PCSK5: variants seen among roughly 807,000 people sequenced by gnomAD.
PCSK5 encodes prohormone convertase 5.
PCSK5 carries 129 observed loss-of-function variants against 233.2 expected under a neutral mutation model. The observed-to-expected ratio is 0.55, with a 90% CI of 0.48 to 0.64. The LOEUF is 0.64. PCSK5 is among the 30% of genes least tolerant of loss of function. The pLI is 0.00. For synonymous variants in PCSK5, 825 were observed against 879.2 expected (o/e 0.94, Z 1.09); for missense variants, 2,076 against 2,430.1 (o/e 0.85, Z 3.06).
chr9:76,281,133 A>G (rs1406446843), intron 24 of PCSK5, among the ~76,000 whole-genome samples: 1 of 152,256 alleles, frequency 6.6e-6, no homozygotes, highest in African/African-American at 2.4e-5. Context: ...CAGAAGCTGC[A>G]GCAAATGGTT....
chr9:76,042,138 T>TC (rs143486995), intron 5 of PCSK5, among the ~76,000 whole-genome samples: 84 of 152,334 alleles, frequency 5.5e-4, no homozygotes, highest in Middle Eastern at 3.4e-3. Context: ...TGTGGCAAGA[T>TC]CATTGCCCCC....
intron 14 of PCSK5, among the ~76,000 whole-genome samples, chr9:76,179,358 C>T (rs1310032780): frequency 2.0e-5 from 3 of 152,020 alleles, no homozygotes; most frequent in Non-Finnish European, 4.4e-5. Flanking sequence ...GAAGACCAGG[C>T]CATGACTAGA....
At chr9:75,906,401 A>G (rs1826266548) in intron 1 of PCSK5, among the ~76,000 whole-genome samples, 1 of 151,932 alleles carries the variant, frequency 6.6e-6, no homozygotes, top group Non-Finnish European at 1.5e-5. Context: ...AATTTTTTGT[A>G]TTTTTAGTAG....
intron 35 of PCSK5, among the ~76,000 whole-genome samples, chr9:76,345,008 A>G (rs1829937424): frequency 6.6e-6 from 1 of 152,120 alleles, no homozygotes; most frequent in Non-Finnish European, 1.5e-5. Context: ...AATTGGGGGT[A>G]TATGTGCAGG....
chr9:76,094,703 A>C (rs1831434307), intron 7 of PCSK5, among the ~76,000 whole-genome samples: 1 of 151,788 alleles, frequency 6.6e-6, no homozygotes, highest in African/African-American at 2.4e-5. Context: ...TCCACCTCTC[A>C]GGTTCAAGCG....
intron 1 of PCSK5, among the ~76,000 whole-genome samples, chr9:75,910,549 A>G (rs888957002): frequency 6.6e-5 from 10 of 150,482 alleles, no homozygotes; most frequent in African/African-American, 2.4e-4. Context: ...CCTGTTAATC[A>G]CTGGTAAGCT....
intron 35 of PCSK5, among the ~76,000 whole-genome samples, chr9:76,349,084 A>G (rs1406552656): frequency 1.3e-5 from 2 of 149,444 alleles, no homozygotes; most frequent in African/African-American, 4.9e-5. Context: ...ATCCTGGCTA[A>G]CACAGTGAAA....
intron 30 of PCSK5, 135 bp downstream of exon 30, chr9:76,310,986 C>T (rs1828850094): frequency 2.6e-5 from 16 of 610,464 alleles, no homozygotes; most frequent in South Asian, 1.4e-4. Flanking sequence ...TGTTGACTGA[C>T]ATGGGTGTGC....
chr9:76,015,430 C>T (rs552068636), intron 3 of PCSK5, among the ~76,000 whole-genome samples: 2 of 152,270 alleles, frequency 1.3e-5, no homozygotes, highest in African/African-American at 4.8e-5. Flanking sequence ...GAAAATTAAC[C>T]ATCACACCGT....
At chr9:76,188,439 ATTTCCCCGGC>A in intron 17 of PCSK5, 129 bp from the exon 18 acceptor site, 3 of 606,518 alleles carry the variant, frequency 4.9e-6, no homozygotes, top group Non-Finnish European at 8.9e-6. Flanking sequence ...TACACGGGCT[ATTTCCCCGGC>A]TTTGAAGCTT....
intron 24 of PCSK5, among the ~76,000 whole-genome samples, chr9:76,278,782 T>A (rs1050082712): frequency 2.0e-5 from 3 of 152,198 alleles, no homozygotes; most frequent in Non-Finnish European, 4.4e-5. Context: ...TTACATAGCC[T>A]ATCATGAAAT....
chr9:76,324,397 A>T (rs1444525563), intron 32 of PCSK5, among the ~76,000 whole-genome samples: 1 of 151,256 alleles, frequency 6.6e-6, no homozygotes, highest in Non-Finnish European at 1.5e-5. Flanking sequence ...CACCTAGCTA[A>T]TTTTTGCATT....
intron 10 of PCSK5, among the ~76,000 whole-genome samples, chr9:76,143,787 G>A (rs185564720): frequency 9.3e-5 from 14 of 150,762 alleles, no homozygotes; most frequent in Admixed American, 4.0e-4. Flanking sequence ...AATAAACCCC[G>A]GGCAAAGGGT....
chr9:76,128,878 G>A (rs12353134), intron 9 of PCSK5, among the ~76,000 whole-genome samples: 2,303 of 152,114 alleles, frequency 0.015, 59 homozygotes, highest in African/African-American at 0.053. Flanking sequence ...ACCAATTTTA[G>A]GCCTGAAACT....
At chr9:76,295,484 C>T (rs189912595) in intron 26 of PCSK5, 73 bp downstream of exon 26, 42 of 1,382,412 alleles carry the variant, frequency 3.0e-5, no homozygotes, top group Admixed American at 2.3e-4. Flanking sequence ...GCCACAGGAG[C>T]GCACATGTGA....
chr9:76,150,836 G>A (rs1823643691), intron 10 of PCSK5, among the ~76,000 whole-genome samples: 1 of 152,114 alleles, frequency 6.6e-6, no homozygotes, highest in Non-Finnish European at 1.5e-5. Flanking sequence ...AGCGGAGGAA[G>A]GGAATAAGAC....
intron 24 of PCSK5, among the ~76,000 whole-genome samples, chr9:76,278,301 A>AT (rs145101968): frequency 0.14 from 21,137 of 152,178 alleles, 2,172 homozygotes; most frequent in African/African-American, 0.29. Flanking sequence ...ATCTGCCACC[A>AT]TTTAGCCACA....
At chr9:76,078,462 A>G (rs185510514) in intron 7 of PCSK5, among the ~76,000 whole-genome samples, 1 of 152,280 alleles carries the variant, frequency 6.6e-6, no homozygotes, top group Non-Finnish European at 1.5e-5. Context: ...TATATGGTGA[A>G]AGGTAGGGGT....
rs1217409566 is a variant in PCSK5 at position 76,362,259 on chromosome 9, C to T, written c.*3337C>T. 2.0e-5 allele frequency: 3 copies of T among 152,088 alleles called. No homozygotes were observed. The highest frequency in any genetic ancestry group is 6.6e-5 in the Admixed American group (1 of 15,252). The allele number at this position is 152,088 out of a possible 1,614,324, so 9.4% of individuals were successfully genotyped here. ...AGAATCCTTGTAGACTGGAAACACA[C>T]CAAAAGGCTGGGTAAAGCATGGGAG... On this transcript the variant is annotated 3_prime_UTR_variant, in exon 38 of 38. Transcript: ENST00000674117.
Sources: allele counts gnomAD v4.1 joint callset (sites outside exome capture counted in the v4.1 genomes callset), GRCh38; gene constraint gnomAD v4.1.1; transcripts MANE v1.5; gene names NCBI Gene and HGNC (gene_info 2026-07-23, HGNC 2026-07-21).